XRCC4: variants seen among roughly 807,000 people sequenced by gnomAD.
XRCC4 encodes DNA repair protein XRCC4.
A neutral mutation model predicts 39.1 loss-of-function variants in XRCC4; 28 were observed. That is an observed-to-expected ratio of 0.72 (90% CI 0.53 to 0.98). XRCC4 has a LOEUF of 0.98. XRCC4 is among the 50% of genes least tolerant of loss of function. The pLI, the probability that XRCC4 is intolerant of heterozygous loss-of-function variation, is 0.00. For synonymous variants in XRCC4, 123 were observed against 126.4 expected (o/e 0.97, Z 0.18); for missense variants, 350 against 376.4 (o/e 0.93, Z 0.58).
At chr5:83,367,303 T>C in the XRCC4 span, among the ~76,000 whole-genome samples, 2 of 152,150 alleles carry the variant, frequency 1.3e-5, no homozygotes, top group African/African-American at 2.4e-5. Context: ...ACATATTACA[T>C]GTCTATGTGC....
chr5:83,093,961 CT>C, intron 1 of XRCC4, among the ~76,000 whole-genome samples: 1 of 152,100 alleles, frequency 6.6e-6, no homozygotes, highest in East Asian at 2.0e-4. Flanking sequence ...GGGGTTTCTG[CT>C]AAGAAGTTTA....
chr5:83,360,190 G>C, the XRCC4 span, among the ~76,000 whole-genome samples: 22 of 152,198 alleles, frequency 1.4e-4, no homozygotes, highest in African/African-American at 5.3e-4. Flanking sequence ...ACGACAAGGA[G>C]TTCTCTCTGT....
At chr5:83,238,819 A>G (rs1752793891) in intron 6 of XRCC4, among the ~76,000 whole-genome samples, 1 of 152,174 alleles carries the variant, frequency 6.6e-6, no homozygotes. Context: ...CCAAAAATAT[A>G]AAAGTTTTTA....
chr5:83,096,457 C>T (rs1319279785), intron 1 of XRCC4, among the ~76,000 whole-genome samples: 1 of 152,030 alleles, frequency 6.6e-6, no homozygotes, highest in East Asian at 1.9e-4. Flanking sequence ...GTTGCAAAAG[C>T]CAAAGGGGGC....
chr5:83,371,420 A>C, the XRCC4 span, among the ~76,000 whole-genome samples: 1 of 152,214 alleles, frequency 6.6e-6, no homozygotes, highest in Non-Finnish European at 1.5e-5. Context: ...CCTTGTACCC[A>C]GAGCAAGTCT....
chr5:83,290,889 G>C (rs1754901113), intron 7 of XRCC4, among the ~76,000 whole-genome samples: 2 of 151,758 alleles, frequency 1.3e-5, no homozygotes, highest in Admixed American at 6.6e-5. Context: ...CTTTATTGCA[G>C]GGGAAATGTA....
chr5:83,206,349 C>G (rs375325711), intron 6 of XRCC4, among the ~76,000 whole-genome samples: 12 of 152,054 alleles, frequency 7.9e-5, no homozygotes, highest in African/African-American at 2.4e-4. Flanking sequence ...TTAGAGGCAG[C>G]AGGATTTGCT....
intron 7 of XRCC4, among the ~76,000 whole-genome samples, chr5:83,308,802 A>G (rs1196184905): frequency 2.6e-5 from 4 of 152,158 alleles, no homozygotes; most frequent in African/African-American, 7.2e-5. Context: ...AGATTGCACA[A>G]TTATTTAATA....
At chr5:83,273,680 T>TC (rs1249282898) in intron 7 of XRCC4, among the ~76,000 whole-genome samples, 2 of 152,302 alleles carry the variant, frequency 1.3e-5, no homozygotes, top group South Asian at 2.1e-4. Context: ...GGGAATCCTT[T>TC]CCCCCTCACT....
intron 7 of XRCC4, among the ~76,000 whole-genome samples, chr5:83,329,550 A>G (rs964982473): frequency 1.3e-5 from 2 of 152,166 alleles, no homozygotes; most frequent in Non-Finnish European, 2.9e-5. Flanking sequence ...ACACTTATTA[A>G]TTTTAAAGGG....
chr5:83,221,933 A>G (rs1752100352), intron 6 of XRCC4, among the ~76,000 whole-genome samples: 1 of 151,792 alleles, frequency 6.6e-6, no homozygotes, highest in Non-Finnish European at 1.5e-5. Context: ...ATCTCTCGTT[A>G]TCTTTCGTAA....
intron 7 of XRCC4, among the ~76,000 whole-genome samples, chr5:83,351,773 T>G (rs755724079): frequency 1.3e-5 from 2 of 152,176 alleles, no homozygotes; most frequent in Non-Finnish European, 2.9e-5. Context: ...CCAGGTCTAG[T>G]GGCAGCCAAC....
At chr5:83,214,214 G>A (rs990938985) in intron 6 of XRCC4, among the ~76,000 whole-genome samples, 1 of 152,028 alleles carries the variant, frequency 6.6e-6, no homozygotes, top group African/African-American at 2.4e-5. Flanking sequence ...AGGGCAATTA[G>A]GCAAGAAAAT....
intron 1 of XRCC4, among the ~76,000 whole-genome samples, chr5:83,101,636 T>C (rs1479455708): frequency 6.6e-6 from 1 of 152,158 alleles, no homozygotes; most frequent in African/African-American, 2.4e-5. Context: ...TGTTCCCACA[T>C]AGTGTTGATG....
At position 83,213,788 on chromosome 5, in the gene XRCC4, T is replaced by G. The variant is rs1240862412; in HGVS notation, c.745+8867T>G. On this transcript the variant is annotated intron_variant, in intron 6 of 7. Coordinates refer to ENST00000396027, the MANE Select transcript of XRCC4 (RefSeq NM_003401.5). ...TAAAACTATAGACAAATATCCATCA[T>G]GAACATAGATATAAACATTTGAAAC... Among the ~76,000 whole-genome samples the G allele has an allele frequency of 2.0e-5, 3 of 152,138 alleles. No individual in the cohort carries two copies. In the East Asian group the frequency reaches 5.8e-4, roughly 29 times the overall value.
intron 7 of XRCC4, among the ~76,000 whole-genome samples, chr5:83,277,581 T>C (rs1483926585): frequency 6.6e-6 from 1 of 152,218 alleles, no homozygotes. Context: ...CATCTAAATA[T>C]AGCATATTTT....
At chr5:83,175,619 G>T (rs976568799) in intron 3 of XRCC4, among the ~76,000 whole-genome samples, 12 of 148,918 alleles carry the variant, frequency 8.1e-5, no homozygotes, top group Non-Finnish European at 1.6e-4. Flanking sequence ...TTTTGTTTTT[G>T]TTTTTTTTTG....
intron 7 of XRCC4, among the ~76,000 whole-genome samples, chr5:83,314,015 A>G (rs1365752502): frequency 6.6e-6 from 1 of 152,098 alleles, no homozygotes; most frequent in Non-Finnish European, 1.5e-5. Context: ...CAATCTTTAC[A>G]TCTTATTCTT....
intron 3 of XRCC4, among the ~76,000 whole-genome samples, chr5:83,137,953 C>T (rs936555769): frequency 2.0e-5 from 3 of 152,122 alleles, no homozygotes; most frequent in African/African-American, 4.8e-5. Flanking sequence ...GCATAGTGGA[C>T]AGAACATAGT....
Sources: gnomAD v4.1 joint callset for allele counts (sites outside exome capture counted in the v4.1 genomes callset) on GRCh38, gnomAD v4.1.1 for gene constraint, MANE v1.5 for transcripts, NCBI Gene and HGNC (gene_info 2026-07-23, HGNC 2026-07-21) for gene names.